CDH13: variants seen among roughly 807,000 people sequenced by gnomAD.
CDH13 encodes the protein cadherin-13.
CDH13 carries 24 observed loss-of-function variants against 63.8 expected under a neutral mutation model. The ratio of observed to expected loss-of-function variants is 0.38; its 90% CI spans 0.27 to 0.53. CDH13 has a LOEUF of 0.53. Among genes scored for constraint, CDH13 ranks in the 20% least tolerant of loss-of-function variants. CDH13 has a pLI of 0.85. For missense variants in CDH13, 1,049 were observed against 903.1 expected (o/e 1.16, Z -2.07); for synonymous variants, 503 against 355.3 (o/e 1.42, Z -4.67).
At chr16:83,517,354 G>T (rs371558368) in intron 7 of CDH13, among the ~76,000 whole-genome samples, 3 of 152,196 alleles carry the variant, frequency 2.0e-5, no homozygotes, top group African/African-American at 4.8e-5. Context: ...TAGGCATAGC[G>T]CAACAAAGTT....
At chr16:83,766,074 T>C (rs2008055) in intron 11 of CDH13, among the ~76,000 whole-genome samples, 49,695 of 151,994 alleles carry the variant, frequency 0.33, 8,361 homozygotes, top group Admixed American at 0.46. Context: ...TTCCTGATTA[T>C]CCTCCCAGAA....
At chr16:83,059,785 T>TG (rs2031335598) in intron 3 of CDH13, among the ~76,000 whole-genome samples, 2 of 134,664 alleles carry the variant, frequency 1.5e-5, no homozygotes, top group South Asian at 2.4e-4. Context: ...TTGTTTTTTT[T>TG]TTTGTTTGTT....
At chr16:83,265,026 T>C (rs1907438697) in intron 5 of CDH13, among the ~76,000 whole-genome samples, 1 of 152,204 alleles carries the variant, frequency 6.6e-6, no homozygotes, top group Admixed American at 6.5e-5. Flanking sequence ...TATTTCTTCA[T>C]TTGTTTAGTG....
At position 83,078,233 on chromosome 16, in the gene CDH13, C is replaced by T. The variant is rs577470204; in HGVS notation, c.366+46015C>T. Among the ~76,000 whole-genome samples, 33 of 152,298 alleles carry T rather than the reference C, an allele frequency of 2.2e-4. No individual in the cohort carries two copies. The Middle Eastern group carries it at 0.01, about 47-fold the overall frequency. On this transcript the variant is annotated intron_variant, in intron 3 of 13. Coordinates refer to ENST00000567109, the MANE Select transcript of CDH13 (RefSeq NM_001257.5). ...TGGATTTTCCTCCCTTAATTTCCAA[C>T]AGCTACTGTTGTCATGAACTCTGTT...
intron 8 of CDH13, among the ~76,000 whole-genome samples, chr16:83,614,623 TG>T (rs1409097985): frequency 2.0e-5 from 3 of 152,132 alleles, no homozygotes; most frequent in Non-Finnish European, 2.9e-5. Flanking sequence ...TTCAAATAAG[TG>T]GGGGGTTTTA....
chr16:82,708,806 C>T (rs151236215), intron 1 of CDH13, among the ~76,000 whole-genome samples: 66 of 152,330 alleles, frequency 4.3e-4, no homozygotes, highest in African/African-American at 1.5e-3. Flanking sequence ...CTGACCCAAA[C>T]ACAACTTGCA....
intron 2 of CDH13, among the ~76,000 whole-genome samples, chr16:82,882,388 G>T (rs575915262): frequency 6.6e-6 from 1 of 152,270 alleles, no homozygotes; most frequent in South Asian, 2.1e-4. Flanking sequence ...AATCCAGGCA[G>T]TCTGGCTCTA....
chr16:83,379,151 C>G (rs1385899820), intron 6 of CDH13, among the ~76,000 whole-genome samples: 1 of 152,108 alleles, frequency 6.6e-6, no homozygotes, highest in African/African-American at 2.4e-5. Context: ...GGCAATTATT[C>G]TTAGCCTTTT....
chr16:82,900,287 C>T (rs923228724), intron 2 of CDH13, among the ~76,000 whole-genome samples: 1 of 152,148 alleles, frequency 6.6e-6, no homozygotes, highest in Non-Finnish European at 1.5e-5. Context: ...TGAATGAGCA[C>T]AGCATAAATG....
chr16:83,796,071 TA>T lies in CDH13; in HGVS notation c.*1045del, dbSNP rs1380368819. On this transcript the variant is annotated 3_prime_UTR_variant, in exon 14 of 14. Transcript: ENST00000567109. ...AAAATAGAGTAAATACAGGTAGTTT[TA>T]AAAGTACCCTTTTGTGTGAATTGAC... 1 of 152,692 alleles carries T rather than the reference TA, an allele frequency of 6.5e-6. No homozygotes were observed. The highest frequency in any genetic ancestry group is 2.4e-5 in the African/African-American group (1 of 41,484). The allele number at this position is 152,692 out of a possible 1,614,324, so 9.5% of individuals were successfully genotyped here. A position where few individuals can be genotyped will look rare whatever the true frequency, so the allele number is the denominator to read the frequency against.
chr16:83,649,257 G>A (rs902093446), intron 8 of CDH13, among the ~76,000 whole-genome samples: 20 of 152,228 alleles, frequency 1.3e-4, no homozygotes, highest in Admixed American at 1.2e-3. Context: ...TTTTGGAACA[G>A]TATGTTTTCT....
chr16:83,329,960 C>G (rs1278943192), intron 5 of CDH13, among the ~76,000 whole-genome samples: 4 of 152,134 alleles, frequency 2.6e-5, no homozygotes, highest in Non-Finnish European at 2.9e-5. Context: ...TATTTTTTAA[C>G]CATTGTGAAT....
intron 3 of CDH13, among the ~76,000 whole-genome samples, chr16:83,046,145 T>C (rs1917763911): frequency 6.6e-6 from 1 of 152,144 alleles, no homozygotes; most frequent in African/African-American, 2.4e-5. Context: ...TGGCTTCTAA[T>C]AAATAAATAG....
intron 5 of CDH13, among the ~76,000 whole-genome samples, chr16:83,261,299 G>A (rs1007784006): frequency 4.6e-5 from 7 of 152,158 alleles, no homozygotes; most frequent in Admixed American, 3.3e-4. Context: ...GCTCATTACC[G>A]ATACGTTAAC....
chr16:83,110,979 T>A (rs2035028107), intron 3 of CDH13, among the ~76,000 whole-genome samples: 2 of 127,934 alleles, frequency 1.6e-5, no homozygotes, highest in Non-Finnish European at 1.6e-5. Flanking sequence ...AATTAATCCC[T>A]AAATGTATGT....
chr16:82,954,420 A>C (rs11648843), intron 2 of CDH13: 85,078 of 151,850 alleles, frequency 0.56, 25,180 homozygotes, highest in East Asian at 0.91. Flanking sequence ...TGAGCACACA[A>C]GAACAGTACC....
intron 8 of CDH13, among the ~76,000 whole-genome samples, chr16:83,616,901 TG>T (rs1327908650): frequency 1.3e-5 from 2 of 152,230 alleles, no homozygotes; most frequent in African/African-American, 4.8e-5. Flanking sequence ...TGCCAAGCTT[TG>T]GCATGTCTTT....
At chr16:82,704,202 G>C (rs2150995890) in intron 1 of CDH13, among the ~76,000 whole-genome samples, 1 of 152,274 alleles carries the variant, frequency 6.6e-6, no homozygotes, top group South Asian at 2.1e-4. Context: ...GCAATCCTCA[G>C]CCTTCAGCAG....
chr16:83,396,485 C>T (rs1329371115), intron 6 of CDH13: 5 of 152,182 alleles, frequency 3.3e-5, no homozygotes. Context: ...GGCTGACCTC[C>T]TTCCTTTAAA....
Sources: allele counts gnomAD v4.1 joint callset (sites outside exome capture counted in the v4.1 genomes callset), GRCh38; gene constraint gnomAD v4.1.1; transcripts MANE v1.5; gene names NCBI Gene and HGNC (gene_info 2026-07-23, HGNC 2026-07-21).